NMRK1: variants seen among roughly 807,000 people sequenced by gnomAD.
NMRK1 encodes nicotinamide riboside kinase 1.
In NMRK1, 28 loss-of-function variants were observed where a neutral mutation model predicts 29.9. That is an observed-to-expected ratio of 0.94 (90% CI 0.69 to 1.28). The LOEUF (loss-of-function observed/expected upper bound fraction) is 1.28, where lower values mean the gene tolerates loss of function less well. Among genes scored for constraint, NMRK1 ranks in the 50% most tolerant of loss-of-function variants. The pLI is 0.00. For synonymous variants in NMRK1, 58 were observed against 73.0 expected (o/e 0.79, Z 1.05); for missense variants, 218 against 233.1 (o/e 0.94, Z 0.42).
At chr9:75,080,691 C>T (rs975623505) in intron 2 of NMRK1, among the ~76,000 whole-genome samples, 7 of 152,152 alleles carry the variant, frequency 4.6e-5, no homozygotes, top group Non-Finnish European at 1.0e-4. Context: ...GGCCTGCTGG[C>T]AGGTGTTTGG....
At chr9:75,085,643 G>C (rs1210570659) in intron 1 of NMRK1, among the ~76,000 whole-genome samples, 4 of 151,794 alleles carry the variant, frequency 2.6e-5, no homozygotes, top group Admixed American at 6.6e-5. Context: ...ATAGGCTTGA[G>C]GGGGTTACTT....
intron 2 of NMRK1, chr9:75,078,580 T>TGTCTGTGAACATAAGTCAGGGC: frequency 3.2e-6 from 4 of 1,259,984 alleles, no homozygotes; most frequent in Non-Finnish European, 4.0e-6. Flanking sequence ...CTGGGGCTCA[T>TGTCTGTGAACATAAGTCAGGGC]GTCTGTGAAC....
chr9:75,080,043 G>A (rs1824228306), intron 2 of NMRK1, among the ~76,000 whole-genome samples: 1 of 152,146 alleles, frequency 6.6e-6, no homozygotes, highest in Non-Finnish European at 1.5e-5. Flanking sequence ...TAACAAGAGG[G>A]CTCATTGTAT....
chr9:75,086,527 A>G (rs1023515664), intron 1 of NMRK1, among the ~76,000 whole-genome samples: 1 of 152,172 alleles, frequency 6.6e-6, no homozygotes, highest in Non-Finnish European at 1.5e-5. Context: ...TTTAACCCTA[A>G]GTAAAATGTT....
intron 3 of NMRK1, 53 bp downstream of exon 3, chr9:75,077,437 G>A: frequency 8.0e-7 from 1 of 1,244,456 alleles, no homozygotes; most frequent in South Asian, 1.3e-5. Flanking sequence ...CAATTAACGT[G>A]GTGGTTAAAC....
At chr9:75,083,037 T>G in intron 2 of NMRK1, 50 bp downstream of exon 2, 1 of 1,343,286 alleles carries the variant, frequency 7.4e-7, no homozygotes, top group Non-Finnish European at 1.1e-6. Flanking sequence ...AGAAACACCA[T>G]TTGGACATCC....
intron 7 of NMRK1, among the ~76,000 whole-genome samples, chr9:75,067,397 A>G (rs1823421923): frequency 6.6e-6 from 1 of 152,166 alleles, no homozygotes; most frequent in Non-Finnish European, 1.5e-5. Flanking sequence ...TAAAACTGGC[A>G]TAAGCAGCTT....
At position 75,069,419 on chromosome 9, in the gene NMRK1, G is replaced by T. The variant is rs1476042246; in HGVS notation, c.390-317C>A. ...AGACCACTATGTTGGATTAAGCTTTGAACTAATTGGTGTTCTTTGTAGCTG... is the reference window on the plus strand; with the variant it reads ...AGACCACTATGTTGGATTAAGCTTTTAACTAATTGGTGTTCTTTGTAGCTG... On this transcript the variant is annotated intron_variant, in intron 6 of 8. Coordinates refer to ENST00000361092, the MANE Select transcript of NMRK1 (RefSeq NM_017881.3). 4 of 467,526 alleles carry T rather than the reference G, an allele frequency of 8.6e-6. No homozygotes were observed. The Admixed American group carries it at 1.6e-4, about 18-fold the overall frequency. 29.0% of individuals were successfully genotyped at this position (467,526 alleles called of 1,614,324 possible). A position where few individuals can be genotyped will look rare whatever the true frequency, so the allele number is the denominator to read the frequency against.
rs184221751 is a variant in NMRK1 at position 75,076,506 on chromosome 9, T to C, written c.169+653A>G. On this transcript the variant is annotated intron_variant, in intron 4 of 8. Coordinates refer to ENST00000361092, the MANE Select transcript of NMRK1 (RefSeq NM_017881.3). Reference sequence around the variant, plus strand: ...ACTGTACACTTAAGATTGGTAAAGATAGTAAATTATATAGGCATATTTTAC... The same window carrying C: ...ACTGTACACTTAAGATTGGTAAAGACAGTAAATTATATAGGCATATTTTAC... 3.1e-3 allele frequency among the ~76,000 whole-genome samples: 469 copies of C among 152,324 alleles called. 4 individuals carry two copies. Among genetic ancestry groups the C allele is most frequent in the African/African-American group, 0.011 (445 of 41,582 alleles).
At chr9:75,079,094 T>C (rs1477204535) in intron 2 of NMRK1, among the ~76,000 whole-genome samples, 1 of 152,176 alleles carries the variant, frequency 6.6e-6, no homozygotes, top group African/African-American at 2.4e-5. Context: ...CACAAATACT[T>C]ATAATCTAGA....
chr9:75,069,596 G>A (rs1266612933), intron 6 of NMRK1, 146 bp downstream of exon 6: 1 of 666,220 alleles, frequency 1.5e-6, no homozygotes, highest in African/African-American at 1.9e-5. Context: ...TTATGGAAAA[G>A]AGTTTTGCTC....
intron 2 of NMRK1, among the ~76,000 whole-genome samples, chr9:75,081,245 T>G (rs1265982692): frequency 1.3e-5 from 2 of 152,158 alleles, no homozygotes; most frequent in African/African-American, 4.8e-5. Context: ...GGAACAAAAG[T>G]CGCCTTAACT....
chr9:75,072,612 C>T (rs1241923301), intron 4 of NMRK1, among the ~76,000 whole-genome samples: 1 of 152,114 alleles, frequency 6.6e-6, no homozygotes, highest in Admixed American at 6.6e-5. Context: ...GGATGGCGAA[C>T]TCAAGAGAGA....
chr9:75,078,630 T>G (rs1824148090), intron 2 of NMRK1: 1 of 1,031,658 alleles, frequency 9.7e-7, no homozygotes, highest in African/African-American at 1.7e-5. Context: ...AGAAAAAAAT[T>G]ATACCTTTAT....
chr9:75,067,223 C>A (rs1467172117), intron 7 of NMRK1: 2 of 171,662 alleles, frequency 1.2e-5, no homozygotes, highest in Non-Finnish European at 2.5e-5. Context: ...ACTTATACAT[C>A]AGGATCACCT....
At chr9:75,064,469 T>C (rs986431586) in intron 8 of NMRK1, among the ~76,000 whole-genome samples, 22 of 152,318 alleles carry the variant, frequency 1.4e-4, no homozygotes, top group African/African-American at 5.1e-4. Flanking sequence ...TCCACTCATG[T>C]TGGTGCTCTG....
chr9:75,087,270 T>C (rs897675687), intron 1 of NMRK1, among the ~76,000 whole-genome samples: 1 of 152,204 alleles, frequency 6.6e-6, no homozygotes, highest in African/African-American at 2.4e-5. Flanking sequence ...AACAGTTTTT[T>C]CTTTCCCCAA....
intron 1 of NMRK1, among the ~76,000 whole-genome samples, chr9:75,086,832 C>T (rs1824668539): frequency 6.6e-6 from 1 of 151,986 alleles, no homozygotes; most frequent in African/African-American, 2.4e-5. Flanking sequence ...TTCTCTTCTT[C>T]CAGGAGATAG....
chr9:75,074,595 C>T (rs1292900243), intron 4 of NMRK1, among the ~76,000 whole-genome samples: 1 of 152,124 alleles, frequency 6.6e-6, no homozygotes, highest in Non-Finnish European at 1.5e-5. Flanking sequence ...CCATGTTGCT[C>T]AGGCTGGTCT....
Sources: gnomAD v4.1 joint callset for allele counts (sites outside exome capture counted in the v4.1 genomes callset) on GRCh38, gnomAD v4.1.1 for gene constraint, MANE v1.5 for transcripts, NCBI Gene and HGNC (gene_info 2026-07-23, HGNC 2026-07-21) for gene names.